The following CADPS variants were observed in gnomAD, a reference collection of about 807,000 sequenced individuals.
CADPS encodes calcium-dependent secretion activator 1.
Under a neutral mutation model 167.3 loss-of-function variants are expected in CADPS, and 57 were observed. That is an observed-to-expected ratio of 0.34 (90% CI 0.28 to 0.42). CADPS has a LOEUF of 0.42. CADPS is among the 20% of genes least tolerant of loss of function. The pLI is 1.00. For missense variants in CADPS, 1,414 were observed against 1,738.1 expected, an observed-to-expected ratio of 0.81 and a Z score of 3.32; for synonymous variants, 676 against 635.3, an observed-to-expected ratio of 1.06 and a Z score of -0.96.
intron 4 of CADPS, among the ~76,000 whole-genome samples, chr3:62,661,480 T>C (rs1013522499): frequency 7.2e-5 from 11 of 152,082 alleles, no homozygotes; most frequent in African/African-American, 2.7e-4. Flanking sequence ...ACATTCTCTG[T>C]AGTTGGACTC....
At chr3:62,525,350 C>T (rs981277977) in intron 13 of CADPS, among the ~76,000 whole-genome samples, 1 of 152,024 alleles carries the variant, frequency 6.6e-6, no homozygotes, top group East Asian at 1.9e-4. Context: ...AAAATTTTTC[C>T]CACTTTCTCT....
chr3:62,432,182 GGAT>G (rs2054122239), intron 28 of CADPS, among the ~76,000 whole-genome samples: 2 of 152,074 alleles, frequency 1.3e-5, no homozygotes, highest in South Asian at 4.1e-4. Context: ...GAGATGATAA[GGAT>G]GATGATGATA....
At chr3:62,719,406 C>T (rs1328965225) in intron 3 of CADPS, among the ~76,000 whole-genome samples, 1 of 152,200 alleles carries the variant, frequency 6.6e-6, no homozygotes, top group Non-Finnish European at 1.5e-5. Flanking sequence ...GAAAGTACCC[C>T]TGACCCCACA....
chr3:62,676,102 A>G (rs1036633599), intron 3 of CADPS, among the ~76,000 whole-genome samples: 8 of 152,182 alleles, frequency 5.3e-5, no homozygotes. Context: ...TACCAAATAT[A>G]TATATCAGAT....
chr3:62,748,344 CAAAAAAAAAA>C (rs60942307), intron 3 of CADPS, among the ~76,000 whole-genome samples: 19 of 48,506 alleles, frequency 3.9e-4, no homozygotes, highest in South Asian at 1.2e-3. Context: ...GACTCCGTCT[CAAAAAAAAAA>C]AAAAAAAAAA....
At chr3:62,858,974 CAA>C (rs1319501917) in intron 1 of CADPS, among the ~76,000 whole-genome samples, 1 of 151,906 alleles carries the variant, frequency 6.6e-6, no homozygotes, top group Non-Finnish European at 1.5e-5. Flanking sequence ...AGCTCAATGA[CAA>C]AGATAGTATT....
rs572514788 is a variant in CADPS, at chr3:62,689,981, T to C, written c.889-27587A>G. On this transcript the variant is annotated intron_variant, in intron 3 of 29. Transcript: ENST00000383710. ...GTTTGGGTTGGACACTGGGCAAAGC[T>C]GGAAAGGAGTAATAAGCATTTTAGC... Among the ~76,000 whole-genome samples the C allele has an allele frequency of 3.9e-5, 6 of 152,154 alleles. No homozygotes were observed. The South Asian group carries it at 1.2e-3, about 32-fold the overall frequency.
intron 28 of CADPS, among the ~76,000 whole-genome samples, chr3:62,429,506 A>G (rs998193909): frequency 6.6e-6 from 1 of 152,208 alleles, no homozygotes; most frequent in Non-Finnish European, 1.5e-5. Context: ...AGAAATAGTT[A>G]CTTGTTTAAT....
chr3:62,684,399 G>C (rs2077630233), intron 3 of CADPS, among the ~76,000 whole-genome samples: 1 of 151,984 alleles, frequency 6.6e-6, no homozygotes, highest in Non-Finnish European at 1.5e-5. Flanking sequence ...GGCTCAGCTT[G>C]TGTATTGCCT....
Position 62,544,900 on chromosome 3 carries a change from A to G in CADPS, c.1966+5003T>C, listed in dbSNP as rs1346562815. 1.9e-5 allele frequency: 23 copies of G among 1,204,172 alleles called. No homozygotes were observed. Among genetic ancestry groups the G allele is most frequent in the Non-Finnish European group, 2.4e-5 (23 of 944,082 alleles). The allele number at this position is 1,204,172 out of a possible 1,614,324, so 74.6% of individuals were successfully genotyped here. A position where few individuals can be genotyped will look rare whatever the true frequency, so the allele number is the denominator to read the frequency against. The stretch of plus-strand genomic sequence containing the variant: ...GTAAGAAGGAACAAACCAGAATAAC[A>G]TAAAGACTAGCAACAAGGCTCAGGA... On this transcript the variant is annotated intron_variant, in intron 11 of 29. Transcript: ENST00000383710. The surrounding 1 kb of genome is among the most constrained non-coding windows in gnomAD (Gnocchi z 4.4).
intron 3 of CADPS, among the ~76,000 whole-genome samples, chr3:62,738,456 T>A (rs1190854033): frequency 6.6e-6 from 1 of 151,978 alleles, no homozygotes; most frequent in East Asian, 1.9e-4. Context: ...TTGTGTGGTG[T>A]CTCATGCCTG....
At chr3:62,531,965 G>T (rs769038912) in intron 13 of CADPS, among the ~76,000 whole-genome samples, 13 of 152,236 alleles carry the variant, frequency 8.5e-5, no homozygotes, top group Non-Finnish European at 1.6e-4. Flanking sequence ...TGACGTTCTG[G>T]GCTTGTATAT....
Position 62,438,773 on chromosome 3 carries a change from G to A in CADPS, c.3670-562C>T, listed in dbSNP as rs2149783649. 6.6e-6 allele frequency: 1 copy of A among 151,638 alleles called. No homozygotes were observed. The highest frequency in any genetic ancestry group is 2.4e-5 in the African/African-American group (1 of 41,148). The allele number at this position is 151,638 out of a possible 1,614,324, so 9.4% of individuals were successfully genotyped here. ...TGTGTGTGTGTATAGCTTAACCTGA[G>A]TGGATATAGTATTTGCTAATTAATT... On this transcript the variant is annotated intron_variant, in intron 27 of 29. Coordinates refer to ENST00000383710, the MANE Select transcript of CADPS (RefSeq NM_003716.4). The surrounding 1 kb of genome is among the most constrained non-coding windows in gnomAD (Gnocchi z 4.7).
At chr3:62,494,231 C>A (rs1233475890) in intron 18 of CADPS, among the ~76,000 whole-genome samples, 1 of 152,146 alleles carries the variant, frequency 6.6e-6, no homozygotes, top group Admixed American at 6.5e-5. Context: ...CAGATGAGAG[C>A]CCTGGGGTTT....
chr3:62,827,744 T>G (rs947289300), intron 1 of CADPS, among the ~76,000 whole-genome samples: 5 of 152,082 alleles, frequency 3.3e-5, no homozygotes, highest in African/African-American at 1.2e-4. Flanking sequence ...TTACAGATGG[T>G]CCAGATTAAG....
At chr3:62,739,946 AT>A (rs922256522) in intron 3 of CADPS, among the ~76,000 whole-genome samples, 99 of 152,342 alleles carry the variant, frequency 6.5e-4, no homozygotes, top group African/African-American at 2.3e-3. Flanking sequence ...ATGCTTACTT[AT>A]TTTAAATGCT....
intron 1 of CADPS, among the ~76,000 whole-genome samples, chr3:62,810,140 C>T (rs1559729525): frequency 6.6e-6 from 1 of 152,116 alleles, no homozygotes; most frequent in Non-Finnish European, 1.5e-5. Context: ...AAATGACCTT[C>T]CCTAAGATCC....
intron 1 of CADPS, among the ~76,000 whole-genome samples, chr3:62,807,253 A>G (rs1031756060): frequency 2.6e-5 from 4 of 151,036 alleles, no homozygotes; most frequent in Non-Finnish European, 5.9e-5. Flanking sequence ...TAATTCTTTC[A>G]TCAAATTTCC....
intron 4 of CADPS, among the ~76,000 whole-genome samples, chr3:62,653,139 T>C (rs999531230): frequency 1.3e-5 from 2 of 152,214 alleles, no homozygotes; most frequent in African/African-American, 2.4e-5. Flanking sequence ...ACTTACCTTC[T>C]TGGTAGCATT....
Sources: gnomAD v4.1 joint callset for allele counts (sites outside exome capture counted in the v4.1 genomes callset) on GRCh38, gnomAD v4.1.1 for gene constraint, Gnocchi (gnomAD v3.1) non-coding constraint, MANE v1.5 for transcripts, NCBI Gene and HGNC (gene_info 2026-07-23, HGNC 2026-07-21) for gene names.